The following AVEN variants were observed in gnomAD, a reference collection of about 807,000 sequenced individuals.
The protein encoded by AVEN is apoptosis and caspase activation inhibitor.
Under a neutral mutation model 38.1 loss-of-function variants are expected in AVEN, and 41 were observed. The observed-to-expected ratio is 1.08, with a 90% CI of 0.84 to 1.40. AVEN has a LOEUF of 1.40. Ranked by LOEUF, AVEN falls within the 40% of genes most tolerant of loss-of-function variation. The pLI is 0.00. For synonymous variants in AVEN, 206 were observed against 171.8 expected (o/e 1.20, Z -1.56); for missense variants, 605 against 438.8 (o/e 1.38, Z -3.38).
intron 5 of AVEN, among the ~76,000 whole-genome samples, chr15:34,047,801 T>C (rs561016502): frequency 1.3e-5 from 2 of 151,936 alleles, no homozygotes; most frequent in African/African-American, 4.8e-5. Context: ...CAGGCTGGAG[T>C]GCAATGGCGC....
chr15:33,875,097 G>A (rs977836491), intron 3 of AVEN, among the ~76,000 whole-genome samples: 2 of 152,160 alleles, frequency 1.3e-5, no homozygotes, highest in African/African-American at 4.8e-5. Context: ...AAACAATTGA[G>A]CCTAAAACCA....
intron 1 of AVEN, among the ~76,000 whole-genome samples, chr15:34,036,229 T>C (rs1188944849): frequency 2.0e-5 from 3 of 152,120 alleles, no homozygotes; most frequent in Admixed American, 6.6e-5. Context: ...GAAGGAATGA[T>C]TTAAGAGCAA....
rs1399725542 is a variant in AVEN, at chr15:33,870,967, G to A, written c.580C>T (p.Leu194Phe). 2 of 1,611,182 alleles carry A rather than the reference G, an allele frequency of 1.2e-6. No individual in the cohort carries two copies. The highest frequency in any genetic ancestry group is 1.7e-6 in the Non-Finnish European group (2 of 1,178,322). ...AGTTCGGCAGCAACGTTGAGTCGGA[G>A]GCAGAGAGGCAGCTCTTGAAGGGCT... ...VRALQELPLC[L>F]RLNVAAELVQ... The change falls in exon 4 of 6, where the codon CTC (leucine) becomes TTC (phenylalanine). Residue 194 changes from leucine (L) to phenylalanine (F), a missense_variant. Physicochemically the swap from Leu to Phe is conservative, Grantham distance 22 (BLOSUM62 0). Transcript: ENST00000306730.
chr15:33,986,404 C>T (rs189330811), intron 2 of AVEN, among the ~76,000 whole-genome samples: 5 of 152,128 alleles, frequency 3.3e-5, no homozygotes, highest in South Asian at 2.1e-4. Flanking sequence ...CCACCGCGCC[C>T]GGCCCACTGT....
At chr15:33,984,344 A>G (rs1194584622) in intron 2 of AVEN, among the ~76,000 whole-genome samples, 1 of 152,154 alleles carries the variant, frequency 6.6e-6, no homozygotes, top group Non-Finnish European at 1.5e-5. Context: ...AAGTTAATCT[A>G]CATACAAGAT....
chr15:33,857,994 G>T, downstream of AVEN: 1 of 1,567,132 alleles, frequency 6.4e-7, no homozygotes, highest in Non-Finnish European at 8.7e-7. Context: ...AAGAAGGGCT[G>T]TGTGGGGGTG....
intron 2 of AVEN, among the ~76,000 whole-genome samples, chr15:33,884,398 T>A (rs1435864615): frequency 2.6e-5 from 4 of 152,184 alleles, no homozygotes; most frequent in Non-Finnish European, 5.9e-5. Flanking sequence ...CCTATAGTAC[T>A]TTTAAAAATA....
At chr15:33,954,826 G>A (rs8038887) in intron 2 of AVEN, among the ~76,000 whole-genome samples, 1 of 151,900 alleles carries the variant, frequency 6.6e-6, no homozygotes, top group Non-Finnish European at 1.5e-5. Flanking sequence ...TCTGCATCTA[G>A]TCCCACAAAC....
chr15:34,042,970 A>G (rs1413772287), upstream of AVEN, among the ~76,000 whole-genome samples: 1 of 151,910 alleles, frequency 6.6e-6, no homozygotes, highest in Non-Finnish European at 1.5e-5. Flanking sequence ...TGGATTGGCC[A>G]GGCGCGGTGG....
At chr15:33,896,529 G>C (rs1159389841) in intron 2 of AVEN, among the ~76,000 whole-genome samples, 1 of 152,152 alleles carries the variant, frequency 6.6e-6, no homozygotes, top group East Asian at 1.9e-4. Flanking sequence ...GAACTGTTTA[G>C]GGGCTGGGAG....
At chr15:33,902,288 A>G (rs1186172791) in intron 2 of AVEN, among the ~76,000 whole-genome samples, 1 of 152,238 alleles carries the variant, frequency 6.6e-6, no homozygotes, top group African/African-American at 2.4e-5. Context: ...AACACACACA[A>G]AATCAATGTG....
intron 1 of AVEN, among the ~76,000 whole-genome samples, chr15:34,074,116 G>T (rs2705335): frequency 6.8e-6 from 1 of 146,430 alleles, no homozygotes; most frequent in African/African-American, 2.6e-5. Context: ...TCATGCCTCA[G>T]CCTTCTGAGT....
intron 2 of AVEN, among the ~76,000 whole-genome samples, chr15:33,964,888 A>T (rs1391199480): frequency 1.3e-5 from 2 of 152,210 alleles, no homozygotes; most frequent in Non-Finnish European, 2.9e-5. Context: ...TTTCAACATT[A>T]TACTGGGAGT....
At chr15:33,966,607 G>A (rs900461829) in intron 2 of AVEN, among the ~76,000 whole-genome samples, 1 of 151,916 alleles carries the variant, frequency 6.6e-6, no homozygotes, top group Non-Finnish European at 1.5e-5. Flanking sequence ...CCCCTTTAAT[G>A]GCTCCCCATA....
intron 1 of AVEN, among the ~76,000 whole-genome samples, chr15:34,015,364 T>TC (rs1444971450): frequency 1.3e-5 from 2 of 151,752 alleles, no homozygotes; most frequent in Non-Finnish European, 2.9e-5. Flanking sequence ...GCACCTGTAG[T>TC]CCAGCTACTC....
chr15:34,028,492 G>A (rs1488287092), intron 1 of AVEN, among the ~76,000 whole-genome samples: 1 of 152,194 alleles, frequency 6.6e-6, no homozygotes, highest in African/African-American at 2.4e-5. Context: ...TTAAGCCAAG[G>A]AGGTCAAGGC....
rs1170415459 is a variant in AVEN, at chr15:33,971,161, T to C, written c.445+31871A>G. 3.9e-5 allele frequency among the ~76,000 whole-genome samples: 6 copies of C among 152,092 alleles called. No individual in the cohort carries two copies. The East Asian group carries it at 1.2e-3, about 29-fold the overall frequency. On this transcript the variant is annotated intron_variant, in intron 2 of 5. Transcript: ENST00000306730. ...TATGCTAGTACCTGAAGATTTGGTT[T>C]ATTTATAACAACTTTTCCCTGTTAT...
Position 34,038,910 on chromosome 15 carries a change from T to G in AVEN, c.137A>C (p.Asp46Ala), listed in dbSNP as rs562954080. The G allele has an allele frequency of 9.0e-7, 1 of 1,106,736 alleles. No individual in the cohort carries two copies. The highest frequency in any genetic ancestry group is 1.9e-5 in the African/African-American group (1 of 53,320). 68.6% of individuals were successfully genotyped at this position (1,106,736 alleles called of 1,614,324 possible). A position where few individuals can be genotyped will look rare whatever the true frequency, so the allele number is the denominator to read the frequency against. ...ARGGGGGGGGDGGGRRGRGRG... is the reference protein window; with the variant it reads ...ARGGGGGGGGAGGGRRGRGRG... ...GCCACGGCCCCGGCGTCCGCCTCCG[T>G]CCCCGCCGCCGCCTCCGCCGCCGCC... Residue 46 changes from aspartate (D) to alanine (A), a missense_variant, in exon 1 of 6, where the codon GAC (aspartate) becomes GCC (alanine). By Grantham distance (126) the Asp-to-Ala change is moderately radical. Transcript: ENST00000306730.
chr15:33,943,357 A>G (rs545462394), intron 2 of AVEN, among the ~76,000 whole-genome samples: 1 of 152,364 alleles, frequency 6.6e-6, no homozygotes, highest in East Asian at 1.9e-4. Context: ...CCAGTCACTA[A>G]AAGACAAATA....
Sources: gnomAD v4.1 joint callset for allele counts (sites outside exome capture counted in the v4.1 genomes callset) on GRCh38, gnomAD v4.1.1 for gene constraint, MANE v1.5 for transcripts, NCBI Gene and HGNC (gene_info 2026-07-23, HGNC 2026-07-21) for gene names.